Variants in SGCZ observed in about 807,000 individuals in gnomAD.
SGCZ encodes the protein sarcoglycan zeta.
A neutral mutation model predicts 41.3 loss-of-function variants in SGCZ; 40 were observed. That is an observed-to-expected ratio of 0.97 (90% CI 0.75 to 1.26). The LOEUF is 1.26. Ranked by LOEUF, SGCZ falls within the 50% of genes most tolerant of loss-of-function variation. The pLI, the probability that SGCZ is intolerant of heterozygous loss-of-function variation, is 0.00. For missense variants in SGCZ, 552 were observed against 369.8 expected, an observed-to-expected ratio of 1.49 and a Z score of -4.04; for synonymous variants, 206 against 137.5, an observed-to-expected ratio of 1.50 and a Z score of -3.49.
At chr8:14,671,278 T>C (rs1201320206) in intron 1 of SGCZ, among the ~76,000 whole-genome samples, 1 of 152,236 alleles carries the variant, frequency 6.6e-6, no homozygotes, top group African/African-American at 2.4e-5. Context: ...CTACTGGCTG[T>C]CTCTGCTCTG....
intron 2 of SGCZ, among the ~76,000 whole-genome samples, chr8:14,517,290 G>A (rs1419981079): frequency 6.6e-6 from 1 of 151,984 alleles, no homozygotes; most frequent in African/African-American, 2.4e-5. Context: ...CTAAACTTGG[G>A]CAAGATCTTT....
intron 2 of SGCZ, among the ~76,000 whole-genome samples, chr8:14,351,892 C>T (rs1051614502): frequency 9.9e-5 from 15 of 151,974 alleles, no homozygotes; most frequent in Admixed American, 3.3e-4. Context: ...AATTCCCAAA[C>T]CCATGCTTTT....
intron 5 of SGCZ, among the ~76,000 whole-genome samples, chr8:14,149,841 A>G (rs1041732328): frequency 6.6e-6 from 1 of 152,032 alleles, no homozygotes; most frequent in Non-Finnish European, 1.5e-5. Context: ...ATAGACAAAT[A>G]AAACATAATA....
In SGCZ at chr8:14,788,695, T is replaced by G. The variant is rs536977146; in HGVS notation, c.40-233769A>C. Among the ~76,000 whole-genome samples the G allele has an allele frequency of 3.3e-5, 5 of 152,356 alleles. No homozygotes were observed. The East Asian group carries it at 9.7e-4, about 29-fold the overall frequency. ...CCACTCTTTTTGTTACCAACAATTA[T>G]GTTCTATGAAATTGTCATGAACAAG... is the stretch of plus-strand genomic sequence containing the variant. On this transcript the variant is annotated intron_variant, in intron 1 of 7. Coordinates refer to ENST00000382080, the MANE Select transcript of SGCZ (RefSeq NM_139167.4).
intron 1 of SGCZ, among the ~76,000 whole-genome samples, chr8:14,710,355 G>A (rs1248620430): frequency 7.7e-6 from 1 of 129,038 alleles, no homozygotes; most frequent in Non-Finnish European, 1.6e-5. Context: ...GGGCGACAGA[G>A]CGAGACTCCG....
At chr8:14,474,164 T>C (rs56945239) in intron 2 of SGCZ, among the ~76,000 whole-genome samples, 13,859 of 152,154 alleles carry the variant, frequency 0.091, 1,289 homozygotes, top group African/African-American at 0.24. Flanking sequence ...TTTAATATTC[T>C]CTAAATAAAC....
intron 1 of SGCZ, among the ~76,000 whole-genome samples, chr8:14,556,629 A>C (rs1436534381): frequency 6.6e-6 from 1 of 151,978 alleles, no homozygotes; most frequent in Non-Finnish European, 1.5e-5. Flanking sequence ...CCATTGTGTC[A>C]TTCTTATTCC....
rs566776912 is a variant in SGCZ at position 14,795,585 on chromosome 8, C to T, written c.40-240659G>A. 2.6e-5 allele frequency among the ~76,000 whole-genome samples: 4 copies of T among 152,202 alleles called. No homozygotes were observed. In the South Asian group the frequency reaches 8.3e-4, roughly 32 times the overall value. On this transcript the variant is annotated intron_variant, in intron 1 of 7. Transcript: ENST00000382080. ...AGCCTCCCATGTAACTAGCACATGC[C>T]ATCACATCCTGCTATTTTTTGCGTG...
At chr8:15,204,937 T>G (rs906594713) in intron 1 of SGCZ, among the ~76,000 whole-genome samples, 1 of 152,178 alleles carries the variant, frequency 6.6e-6, no homozygotes, top group African/African-American at 2.4e-5. Flanking sequence ...CCTGAATGAA[T>G]GAACTTGGCC....
At chr8:14,948,877 T>C (rs554181089) in intron 1 of SGCZ, among the ~76,000 whole-genome samples, 15 of 130,884 alleles carry the variant, frequency 1.1e-4, no homozygotes, top group South Asian at 5.0e-4. Flanking sequence ...TACAGCTTTT[T>C]TCTCTCTCTC....
intron 1 of SGCZ, among the ~76,000 whole-genome samples, chr8:15,206,041 G>T (rs1238076570): frequency 1.3e-5 from 2 of 152,140 alleles, no homozygotes; most frequent in Admixed American, 1.3e-4. Context: ...TGGAGGGTGG[G>T]AGGAGGGAGA....
intron 1 of SGCZ, among the ~76,000 whole-genome samples, chr8:14,840,624 C>A (rs986416644): frequency 3.9e-5 from 6 of 152,106 alleles, no homozygotes; most frequent in African/African-American, 7.2e-5. Context: ...AAATGAGTTT[C>A]TCTTGCACTC....
At chr8:15,156,218 T>C (rs918201558) in intron 1 of SGCZ, among the ~76,000 whole-genome samples, 2 of 152,150 alleles carry the variant, frequency 1.3e-5, no homozygotes, top group African/African-American at 4.8e-5. Flanking sequence ...AAATGGCTAA[T>C]GTCCAAAAAC....
intron 1 of SGCZ, among the ~76,000 whole-genome samples, chr8:14,593,183 T>C (rs1034725227): frequency 1.3e-5 from 2 of 152,108 alleles, no homozygotes; most frequent in Non-Finnish European, 2.9e-5. Flanking sequence ...AAATTAGATA[T>C]CTTGATAGAG....
chr8:14,861,463 T>C (rs1046112930), intron 1 of SGCZ, among the ~76,000 whole-genome samples: 3 of 152,248 alleles, frequency 2.0e-5, no homozygotes, highest in South Asian at 2.1e-4. Flanking sequence ...ATATACATTG[T>C]ATATTTCAGT....
chr8:14,795,087 G>A (rs1801080944), intron 1 of SGCZ, among the ~76,000 whole-genome samples: 1 of 152,076 alleles, frequency 6.6e-6, no homozygotes, highest in Non-Finnish European at 1.5e-5. Context: ...CCTAGATAAA[G>A]GAAACAGAAG....
At chr8:14,620,200 A>G (rs1238025285) in intron 1 of SGCZ, among the ~76,000 whole-genome samples, 1 of 152,198 alleles carries the variant, frequency 6.6e-6, no homozygotes, top group Admixed American at 6.5e-5. Flanking sequence ...AGGATTCCCT[A>G]TTTAATAAAT....
intron 4 of SGCZ, among the ~76,000 whole-genome samples, chr8:14,231,556 AT>A (rs146103105): frequency 1.2e-4 from 18 of 150,486 alleles, no homozygotes; most frequent in Non-Finnish European, 2.2e-4. Context: ...TTAAGTCTAG[AT>A]TTTTTTTTTC....
Position 14,780,164 on chromosome 8 carries a change from G to C in SGCZ, c.40-225238C>G, listed in dbSNP as rs192651713. 6.0e-4 allele frequency among the ~76,000 whole-genome samples: 91 copies of C among 152,124 alleles called. 1 individual carries two copies. In the South Asian group the frequency reaches 0.012, roughly 20 times the overall value. ...AGAGGCCGGGCGGATCACGAGGTCA[G>C]GAGATCCAGACCATCCTGGATAACA... is the stretch of plus-strand genomic sequence containing the variant. On this transcript the variant is annotated intron_variant, in intron 1 of 7. Transcript: ENST00000382080.
Sources: gnomAD v4.1 joint callset for allele counts (sites outside exome capture counted in the v4.1 genomes callset) on GRCh38, gnomAD v4.1.1 for gene constraint, MANE v1.5 for transcripts, NCBI Gene and HGNC (gene_info 2026-07-23, HGNC 2026-07-21) for gene names.